SLC2A1: variants seen among roughly 807,000 people sequenced by gnomAD.
SLC2A1 encodes solute carrier family 2, facilitated glucose transporter member 1.
SLC2A1 carries 4 observed loss-of-function variants against 46.6 expected under a neutral mutation model. The observed-to-expected ratio is 0.09, with a 90% confidence interval of 0.04 to 0.20. The LOEUF is 0.20. Among genes scored for constraint, SLC2A1 ranks in the 10% least tolerant of loss-of-function variants. The probability of loss-of-function intolerance (pLI) is 1.00; values close to 1 mark genes in which losing one functional copy is unlikely to be tolerated. For synonymous variants in SLC2A1, 253 were observed against 270.0 expected, an observed-to-expected ratio of 0.94 and a Z score of 0.62; for missense variants, 352 against 667.0, an observed-to-expected ratio of 0.53 and a Z score of 5.20.
chr1:42,947,837 G>C (rs1477698538), intron 1 of SLC2A1, among the ~76,000 whole-genome samples: 2 of 152,200 alleles, frequency 1.3e-5, no homozygotes, highest in African/African-American at 4.8e-5. Context: ...TTTGGGCAAA[G>C]CTGGCTCTGT....
intron 2 of SLC2A1, among the ~76,000 whole-genome samples, chr1:42,933,751 G>A (rs943770246): frequency 1.3e-5 from 2 of 151,800 alleles, no homozygotes; most frequent in South Asian, 4.2e-4. Context: ...TTGCCCTTCT[G>A]AGGGTCCAAT....
At chr1:42,947,833 C>A (rs909594664) in intron 1 of SLC2A1, among the ~76,000 whole-genome samples, 1 of 152,156 alleles carries the variant, frequency 6.6e-6, no homozygotes, top group African/African-American at 2.4e-5. Context: ...GGCTTTTGGG[C>A]AAAGCTGGCT....
intron 1 of SLC2A1, among the ~76,000 whole-genome samples, chr1:42,951,339 C>A (rs944064220): frequency 6.7e-6 from 1 of 148,958 alleles, no homozygotes; most frequent in African/African-American, 2.6e-5. Flanking sequence ...TGAAGAGTAC[C>A]AGGGTAGATT....
chr1:42,947,579 C>G (rs2367026), intron 1 of SLC2A1, among the ~76,000 whole-genome samples: 1 of 28,586 alleles, frequency 3.5e-5, no homozygotes, highest in Non-Finnish European at 8.8e-5. Context: ...CACACACACA[C>G]ACAAAAAAAA....
intron 2 of SLC2A1, among the ~76,000 whole-genome samples, chr1:42,933,565 C>T (rs1643513888): frequency 6.6e-6 from 1 of 152,122 alleles, no homozygotes; most frequent in Non-Finnish European, 1.5e-5. Context: ...TGGGGGCAGA[C>T]AGAAGGCAGA....
Position 42,929,957 on chromosome 1 carries a change from G to A in SLC2A1, c.595C>T (p.Leu199=). The A allele has an allele frequency of 1.2e-6, 2 of 1,614,202 alleles. No individual in the cohort carries two copies. The highest frequency in any genetic ancestry group is 1.7e-6 in the Non-Finnish European group (2 of 1,180,022). Residue 199 remains leucine (L), a synonymous_variant, in exon 5 of 10, where the codon CTG becomes TTG. Coordinates refer to ENST00000426263, the MANE Select transcript of SLC2A1 (RefSeq NM_006516.4). The surrounding 1 kb of genome is among the most constrained non-coding windows in gnomAD (Gnocchi z 6.0). The stretch of plus-strand genomic sequence containing the variant: ...CAGAAGGGCAGCACGATGCACTGCA[G>A]CAGGGCCGGGATGAAGATGATGCTC... ...LLSIIFIPAL[L]QCIVLPFCPE... is the part of the protein sequence containing the mutation.
Position 42,927,863 on chromosome 1 carries a change from A to G in SLC2A1, c.1075-55T>C. On this transcript the variant is annotated intron_variant, in intron 8 of 9. Coordinates refer to ENST00000426263, the MANE Select transcript of SLC2A1 (RefSeq NM_006516.4). This position sits in a 1 kb window ranked among gnomAD's most constrained non-coding sequence, Gnocchi z 5.3. ...TTAGACTGGGTTGTGATGGATCCTC[A>G]GGGGAAACAGAAGCTACAGAGGCCA... is the stretch of plus-strand genomic sequence containing the variant. The G allele has an allele frequency of 1.5e-6, 2 of 1,357,732 alleles. No individual in the cohort carries two copies. The highest frequency in any genetic ancestry group is 1.2e-5 in the South Asian group (1 of 81,302). The allele number at this position is 1,357,732 out of a possible 1,614,324, so 84.1% of individuals were successfully genotyped here.
rs1557656624 is a variant in SLC2A1 at position 42,958,619 on chromosome 1, G to C, written c.18+15C>G. On this transcript the variant is annotated intron_variant, in intron 1 of 9. Coordinates refer to ENST00000426263, the MANE Select transcript of SLC2A1 (RefSeq NM_006516.4). ...CTTTGTTCCTGGCGGGAGGGCCCGC[G>C]GGCGCGCGACTCACCTTGCTGCTGG... The C allele has an allele frequency of 6.6e-7, 1 of 1,524,316 alleles. No homozygotes were observed. The highest frequency in any genetic ancestry group is 1.2e-5 in the South Asian group (1 of 82,542). The allele number at this position is 1,524,316 out of a possible 1,614,324, so 94.4% of individuals were successfully genotyped here.
intron 2 of SLC2A1, among the ~76,000 whole-genome samples, chr1:42,936,164 A>G (rs1643540522): frequency 6.6e-6 from 1 of 152,128 alleles, no homozygotes; most frequent in Non-Finnish European, 1.5e-5. Context: ...GGTCATCCCC[A>G]GCAGGGATCC....
At position 42,926,947 on chromosome 1, in the gene SLC2A1, A is replaced by C; in HGVS notation, c.*94T>G. ...GAGCCCCAGGCCCGGCTCGGCTGAC[A>C]TCTGTCAGGTTTGGAAGTCTCATCC... On this transcript the variant is annotated 3_prime_UTR_variant, in exon 10 of 10. Transcript: ENST00000426263. 3 of 1,558,642 alleles carry C rather than the reference A, an allele frequency of 1.9e-6. No homozygotes were observed. The African/African-American group carries it at 4.1e-5, about 21-fold the overall frequency.
At chr1:42,956,407 C>CAAAAAAAAAAAAAAAAAAA (rs71577684) in intron 1 of SLC2A1, among the ~76,000 whole-genome samples, 12 of 44,528 alleles carry the variant, frequency 2.7e-4, no homozygotes, top group African/African-American at 1.3e-3. Flanking sequence ...ACTAAAACTA[C>CAAAAAAAAAAAAAAAAAAA]AAAAAAAAAA....
At position 42,926,931 on chromosome 1, in the gene SLC2A1, G is replaced by A; in HGVS notation, c.*110C>T. On this transcript the variant is annotated 3_prime_UTR_variant, in exon 10 of 10. Coordinates refer to ENST00000426263, the MANE Select transcript of SLC2A1 (RefSeq NM_006516.4). Reference sequence around the variant, plus strand: ...TGCTGGCTGGAGAAAGGAGCCCCAGGCCCGGCTCGGCTGACATCTGTCAGG... The same window carrying A: ...TGCTGGCTGGAGAAAGGAGCCCCAGACCCGGCTCGGCTGACATCTGTCAGG... 1 of 1,538,794 alleles carries A rather than the reference G, an allele frequency of 6.5e-7. No homozygotes were observed. The highest frequency in any genetic ancestry group is 8.7e-7 in the Non-Finnish European group (1 of 1,146,598).
Position 42,927,174 on chromosome 1 carries a change from T to C in SLC2A1, c.1346A>G (p.Tyr449Cys). 1 of 1,614,090 alleles carries C rather than the reference T, an allele frequency of 6.2e-7. No individual in the cohort carries two copies. Among genetic ancestry groups the C allele is most frequent in the Non-Finnish European group, 8.5e-7 (1 of 1,179,980 alleles). ...GCCTTTAGTCTCAGGAACTTTGAAG[T>C]AGGTGAAGATGAAGAACAGAACCAG... The part of the protein sequence containing the change: ...VLLVLFFIFT[Y>C]FKVPETKGRT... Residue 449 changes from tyrosine (Y) to cysteine (C), a missense_variant, in exon 10 of 10, where the codon TAC becomes TGC. By Grantham distance (194) the Tyr-to-Cys change is radical (BLOSUM62 -2). Transcript: ENST00000426263. The surrounding 1 kb of genome is among the most constrained non-coding windows in gnomAD (Gnocchi z 5.3).
At chr1:42,948,907 A>C (rs1328837442) in intron 1 of SLC2A1, among the ~76,000 whole-genome samples, 1 of 152,078 alleles carries the variant, frequency 6.6e-6, no homozygotes, top group Non-Finnish European at 1.5e-5. Context: ...TACTAAAAAT[A>C]CAAAAAAAAA....
intron 2 of SLC2A1, among the ~76,000 whole-genome samples, chr1:42,932,398 AGGCCC>A (rs1441271052): frequency 6.6e-6 from 1 of 151,908 alleles, no homozygotes; most frequent in African/African-American, 2.4e-5. Flanking sequence ...AGCAGAGTGC[AGGCCC>A]TAGTTACCCA....
rs537965767 is a variant in SLC2A1, at chr1:42,930,198, C to T, written c.517-163G>A. ...GAGCCCTGTTTCTCAGTTTCCTCAT[C>T]GGTCACATGGGAAAAGTAGGACCTA... On this transcript the variant is annotated intron_variant, in intron 4 of 9. Coordinates refer to ENST00000426263, the MANE Select transcript of SLC2A1 (RefSeq NM_006516.4). The surrounding 1 kb of genome is among the most constrained non-coding windows in gnomAD (Gnocchi z 6.2). 46 of 794,560 alleles carry T rather than the reference C, an allele frequency of 5.8e-5. 1 individual carries two copies. The highest frequency in any genetic ancestry group is 3.3e-4 in the Admixed American group (15 of 44,978). The allele number at this position is 794,560 out of a possible 1,614,324, so 49.2% of individuals were successfully genotyped here. A position where few individuals can be genotyped will look rare whatever the true frequency, so the allele number is the denominator to read the frequency against.
At chr1:42,952,449 T>C in intron 1 of SLC2A1, 1 of 466,326 alleles carries the variant, frequency 2.1e-6, no homozygotes, top group Non-Finnish European at 4.3e-6. Flanking sequence ...CACCAGGTTG[T>C]AGATGGTGAT....
At position 42,929,111 on chromosome 1, in the gene SLC2A1, G is replaced by T. The variant is rs771235577; in HGVS notation, c.973-78C>A. On this transcript the variant is annotated intron_variant, in intron 7 of 9. Coordinates refer to ENST00000426263, the MANE Select transcript of SLC2A1 (RefSeq NM_006516.4). This position sits in a 1 kb window ranked among gnomAD's most constrained non-coding sequence, Gnocchi z 6.0. ...CACCCACCCAGAGGCCTTGCCTCAA[G>T]AGCTGAGAAAGTCACAGGGCACTGC... is the stretch of plus-strand genomic sequence containing the variant. The T allele has an allele frequency of 6.4e-7, 1 of 1,567,810 alleles. No individual in the cohort carries two copies. The highest frequency in any genetic ancestry group is 8.8e-7 in the Non-Finnish European group (1 of 1,138,756).
intron 2 of SLC2A1, among the ~76,000 whole-genome samples, chr1:42,939,274 C>T (rs947802895): frequency 8.5e-5 from 13 of 152,242 alleles, no homozygotes; most frequent in Non-Finnish European, 1.6e-4. Context: ...TCTAATCTGG[C>T]TCCTGGTTGG....
Sources: gnomAD v4.1 joint callset for allele counts (sites outside exome capture counted in the v4.1 genomes callset) on GRCh38, gnomAD v4.1.1 for gene constraint, Gnocchi (gnomAD v3.1) non-coding constraint, MANE v1.5 for transcripts, NCBI Gene and HGNC (gene_info 2026-07-23, HGNC 2026-07-21) for gene names.